The following ZEB1 variants were observed in gnomAD, a reference collection of about 807,000 sequenced individuals.
ZEB1 encodes zinc finger E-box binding homeobox 1, also known as zinc finger E-box-binding homeobox 1.
Under a neutral mutation model 84.9 loss-of-function variants are expected in ZEB1, and 21 were observed. The observed-to-expected ratio is 0.25, with a 90% CI of 0.18 to 0.36. The LOEUF (loss-of-function observed/expected upper bound fraction) is 0.36, where lower values mean the gene tolerates loss of function less well. ZEB1 is among the 10% of genes least tolerant of loss of function. ZEB1 has a pLI of 1.00. For missense variants in ZEB1, 1,104 were observed against 1,330.2 expected, an observed-to-expected ratio of 0.83 and a Z score of 2.65; for synonymous variants, 420 against 471.1, an observed-to-expected ratio of 0.89 and a Z score of 1.41.
At chr10:31,351,769 G>T (rs1275783017) in intron 1 of ZEB1, among the ~76,000 whole-genome samples, 1 of 152,060 alleles carries the variant, frequency 6.6e-6, no homozygotes, top group Non-Finnish European at 1.5e-5. Flanking sequence ...CATGTATTCA[G>T]CATATTTCAT....
At chr10:31,434,226 G>T (rs1366769197) in intron 1 of ZEB1, among the ~76,000 whole-genome samples, 1 of 152,190 alleles carries the variant, frequency 6.6e-6, no homozygotes. Context: ...TAAAGCATCT[G>T]TGCCCCCACT....
chr10:31,524,928 A>G (rs1243191301), intron 8 of ZEB1, among the ~76,000 whole-genome samples: 2 of 152,170 alleles, frequency 1.3e-5, no homozygotes, highest in Non-Finnish European at 2.9e-5. Context: ...AGATCCTGTA[A>G]TTCTGCCACA....
At chr10:31,406,000 A>G (rs2052941102) in intron 1 of ZEB1, among the ~76,000 whole-genome samples, 1 of 152,180 alleles carries the variant, frequency 6.6e-6, no homozygotes, top group Admixed American at 6.5e-5. Context: ...AACTTCATCC[A>G]TGTCCCTGCA....
chr10:31,474,962 C>CA (rs956910281), intron 2 of ZEB1, among the ~76,000 whole-genome samples: 6 of 148,796 alleles, frequency 4.0e-5, no homozygotes, highest in Non-Finnish European at 7.4e-5. Context: ...ATCGCAAGAA[C>CA]AAAAAATCAA....
rs529183161 is a variant in ZEB1, at chr10:31,338,571, C to G, written c.58+19279C>G. Among the ~76,000 whole-genome samples, 33 of 152,220 alleles carry G rather than the reference C, an allele frequency of 2.2e-4. No individual in the cohort carries two copies. The South Asian group carries it at 6.7e-3, about 31-fold the overall frequency. ...AACAGGGTACTATTTTTGAGCGGTGCCAGCATATTGTCAGATTATGATGAA... is the reference window on the plus strand; with the variant it reads ...AACAGGGTACTATTTTTGAGCGGTGGCAGCATATTGTCAGATTATGATGAA... On this transcript the variant is annotated intron_variant, in intron 1 of 8. Coordinates refer to ENST00000424869, the MANE Select transcript of ZEB1 (RefSeq NM_001174096.2).
chr10:31,387,821 AT>A, intron 1 of ZEB1: 1 of 934,896 alleles, frequency 1.1e-6, no homozygotes, highest in South Asian at 4.9e-5. Context: ...AAAATTTTTT[AT>A]GTCAGATCTT....
At chr10:31,383,451 T>G (rs2048054035) in intron 1 of ZEB1, among the ~76,000 whole-genome samples, 1 of 152,212 alleles carries the variant, frequency 6.6e-6, no homozygotes, top group South Asian at 2.1e-4. Context: ...TATGCCATGA[T>G]TACAAGTATG....
intron 1 of ZEB1, among the ~76,000 whole-genome samples, chr10:31,326,151 G>A (rs559943687): frequency 6.6e-6 from 1 of 152,010 alleles, no homozygotes; most frequent in African/African-American, 2.4e-5. Context: ...CTCTAGAAGA[G>A]ACTTTAATGT....
chr10:31,409,032 C>T (rs1458035449), intron 1 of ZEB1, among the ~76,000 whole-genome samples: 1 of 152,054 alleles, frequency 6.6e-6, no homozygotes, highest in Non-Finnish European at 1.5e-5. Context: ...CTACAATGAA[C>T]TCAAATAAAT....
At position 31,384,820 on chromosome 10, in the gene ZEB1, G is replaced by A. The variant is rs183807521; in HGVS notation, c.58+65528G>A. Among the ~76,000 whole-genome samples, 113 of 152,090 alleles carry A rather than the reference G, an allele frequency of 7.4e-4. 2 individuals are homozygous for A. Among genetic ancestry groups the A allele is most frequent in the Non-Finnish European group, 8.8e-5 (6 of 67,984 alleles). The stretch of plus-strand genomic sequence containing the variant: ...TCTAGGGAGTTTGTTTTCCCTTTTC[G>A]CCCTTGTTGGCCTGGGAGACTCAAC... On this transcript the variant is annotated intron_variant, in intron 1 of 8. Coordinates refer to ENST00000424869, the MANE Select transcript of ZEB1 (RefSeq NM_001174096.2).
At chr10:31,513,288 CA>C (rs989959912) in intron 5 of ZEB1, among the ~76,000 whole-genome samples, 1 of 152,030 alleles carries the variant, frequency 6.6e-6, no homozygotes, top group African/African-American at 2.4e-5. Context: ...AGAATAACTC[CA>C]AAGTTTAAGG....
At chr10:31,375,443 G>A (rs1465204336) in intron 1 of ZEB1, among the ~76,000 whole-genome samples, 2 of 151,824 alleles carry the variant, frequency 1.3e-5, no homozygotes, top group East Asian at 1.9e-4. Flanking sequence ...GGTTCATGAT[G>A]CCCAGTGGAG....
chr10:31,344,592 A>C (rs2039970889), intron 1 of ZEB1, among the ~76,000 whole-genome samples: 1 of 152,144 alleles, frequency 6.6e-6, no homozygotes, highest in Non-Finnish European at 1.5e-5. Flanking sequence ...GCCAATAGTC[A>C]TTAATTGTTA....
intron 1 of ZEB1, among the ~76,000 whole-genome samples, chr10:31,452,736 T>TGA (rs1236506186): frequency 1.8e-5 from 2 of 112,876 alleles, no homozygotes; most frequent in African/African-American, 9.5e-5. Context: ...TGTGTGTGTG[T>TGA]GTGTGTGAGA....
rs571831319 is a variant in ZEB1 at position 31,319,285 on chromosome 10, C to G, written c.51C>G (p.Arg17=). ...GCAGAAAGCAGGCGAACCCGCGGCGCAATAACGGTGAGTGGCGGAGGGGAC... is the reference window on the plus strand; with the variant it reads ...GCAGAAAGCAGGCGAACCCGCGGCGGAATAACGGTGAGTGGCGGAGGGGAC... ...CKRRKQANPR[R]NNVTNYNTVV... is the part of the protein sequence containing the mutation. The change falls in exon 1 of 9, where the codon CGC becomes CGG. Residue 17 remains arginine (R), a synonymous_variant. Transcript: ENST00000424869. The G allele has an allele frequency of 6.2e-7, 1 of 1,607,836 alleles. No individual in the cohort carries two copies. The highest frequency in any genetic ancestry group is 8.5e-7 in the Non-Finnish European group (1 of 1,178,116).
chr10:31,506,528 T>A (rs1396618714), intron 4 of ZEB1, among the ~76,000 whole-genome samples: 1 of 152,088 alleles, frequency 6.6e-6, no homozygotes. Context: ...ACCTTCTTTG[T>A]CCCCTTATAC....
intron 1 of ZEB1, among the ~76,000 whole-genome samples, chr10:31,348,339 G>A (rs1012665040): frequency 2.0e-5 from 3 of 152,096 alleles, no homozygotes; most frequent in African/African-American, 7.2e-5. Context: ...TGAGGTGGGT[G>A]GATCACTTGA....
chr10:31,520,713 A>G lies in ZEB1; in HGVS notation c.1381A>G (p.Ile461Val), dbSNP rs1375278097. Residue 461 changes from isoleucine to valine, a missense_variant, in exon 7 of 9, where the codon ATC (isoleucine) becomes GTC (valine). Coordinates refer to ENST00000424869, the MANE Select transcript of ZEB1 (RefSeq NM_001174096.2). This position sits in a 1 kb window ranked among gnomAD's most constrained non-coding sequence, Gnocchi z 5.1. ...QQGGHSVISA[I>V]SLPLVDQDGT... ...AGGTGGCCATTCTGTTATTTCAGCC[A>G]TCAGTCTTCCTTTGGTTGATCAAGA... is the stretch of plus-strand genomic sequence containing the variant. 3.1e-6 allele frequency: 5 copies of G among 1,614,130 alleles called. No individual in the cohort carries two copies. Among genetic ancestry groups the G allele is most frequent in the East Asian group, 4.5e-5 (2 of 44,854 alleles).
At chr10:31,498,567 A>G (rs2067625137) in intron 3 of ZEB1, among the ~76,000 whole-genome samples, 1 of 152,012 alleles carries the variant, frequency 6.6e-6, no homozygotes, top group Non-Finnish European at 1.5e-5. Context: ...AACAACCCTA[A>G]GAGGTACTGT....
Sources: allele counts gnomAD v4.1 joint callset (sites outside exome capture counted in the v4.1 genomes callset), GRCh38; gene constraint gnomAD v4.1.1; non-coding constraint Gnocchi (gnomAD v3.1); transcripts MANE v1.5; gene names NCBI Gene and HGNC (gene_info 2026-07-23, HGNC 2026-07-21).